LRMDA: variants seen among roughly 807,000 people sequenced by gnomAD.
LRMDA encodes the protein leucine rich melanocyte differentiation associated.
LRMDA carries 18 observed loss-of-function variants against 29.8 expected under a neutral mutation model. That is an observed-to-expected ratio of 0.60 (90% confidence interval 0.42 to 0.90). The LOEUF (loss-of-function observed/expected upper bound fraction) is 0.90, where lower values mean the gene tolerates loss of function less well. Among genes scored for constraint, LRMDA ranks in the 40% least tolerant of loss-of-function variants. The probability of loss-of-function intolerance (pLI) is 0.00; values close to 1 mark genes in which losing one functional copy is unlikely to be tolerated. For synonymous variants in LRMDA, 125 were observed against 109.4 expected, an observed-to-expected ratio of 1.14 and a Z score of -0.89; for missense variants, 273 against 273.9, an observed-to-expected ratio of 1.00 and a Z score of 0.02.
intron 5 of LRMDA, among the ~76,000 whole-genome samples, chr10:76,170,205 C>T (rs537200015): frequency 1.3e-5 from 2 of 152,272 alleles, no homozygotes; most frequent in Admixed American, 1.3e-4. Context: ...AAACTGGCCG[C>T]TCAATGTGTT....
intron 5 of LRMDA, among the ~76,000 whole-genome samples, chr10:76,105,907 C>A (rs982219638): frequency 6.6e-6 from 1 of 152,008 alleles, no homozygotes. Flanking sequence ...CCACCATGCC[C>A]GGCTAATTTT....
At position 76,000,210 on chromosome 10, in the gene LRMDA, G is replaced by A. The variant is rs147629573; in HGVS notation, c.132-35798G>A. ...CGGGGGCTGGGAGGATGGCGCTGAT[G>A]AATGCGAGAGCCCTGACATTATATG... On this transcript the variant is annotated intron_variant, in intron 2 of 6. Transcript: ENST00000611255. Among the ~76,000 whole-genome samples the A allele has an allele frequency of 4.3e-4, 66 of 152,300 alleles. No individual in the cohort carries two copies. In the East Asian group the frequency reaches 0.012, roughly 28 times the overall value.
intron 5 of LRMDA, among the ~76,000 whole-genome samples, chr10:76,323,548 C>A (rs1031769616): frequency 6.6e-6 from 1 of 151,988 alleles, no homozygotes; most frequent in African/African-American, 2.4e-5. Context: ...AGAGTTACAG[C>A]GGTAATGCTT....
At chr10:75,993,565 T>A (rs1407092362) in intron 2 of LRMDA, among the ~76,000 whole-genome samples, 1 of 152,010 alleles carries the variant, frequency 6.6e-6, no homozygotes, top group South Asian at 2.1e-4. Flanking sequence ...AAACTCCATC[T>A]CTACTAAAAA....
intron 5 of LRMDA, among the ~76,000 whole-genome samples, chr10:76,142,683 TTTATTA>T (rs35542542): frequency 1.2e-4 from 17 of 147,198 alleles, no homozygotes; most frequent in Admixed American, 3.4e-4. Context: ...TGTTATTATC[TTTATTA>T]TTATTATTAT....
chr10:76,439,771 T>G (rs1269577934), intron 6 of LRMDA, among the ~76,000 whole-genome samples: 1 of 152,194 alleles, frequency 6.6e-6, no homozygotes, highest in African/African-American at 2.4e-5. Flanking sequence ...TCCCCTGTGC[T>G]AAATGCAGGC....
chr10:76,457,195 G>A (rs1478847850), intron 6 of LRMDA, among the ~76,000 whole-genome samples: 1 of 152,174 alleles, frequency 6.6e-6, no homozygotes, highest in Non-Finnish European at 1.5e-5. Flanking sequence ...ACTTTTCGAA[G>A]TTTAATGCTT....
intron 2 of LRMDA, among the ~76,000 whole-genome samples, chr10:75,502,145 A>C (rs1353930854): frequency 6.6e-6 from 1 of 152,000 alleles, no homozygotes; most frequent in African/African-American, 2.4e-5. Flanking sequence ...AAGGCATGCC[A>C]CTCTTAACTG....
intron 6 of LRMDA, among the ~76,000 whole-genome samples, chr10:76,389,456 T>G (rs529856089): frequency 1.3e-5 from 2 of 152,202 alleles, no homozygotes; most frequent in African/African-American, 4.8e-5. Flanking sequence ...AGCATTTGCC[T>G]TTTTTATTGT....
At chr10:76,505,869 C>A (rs1398957489) in intron 6 of LRMDA, among the ~76,000 whole-genome samples, 1 of 152,132 alleles carries the variant, frequency 6.6e-6, no homozygotes, top group African/African-American at 2.4e-5. Context: ...TGCATGGATT[C>A]TTTCTCATTT....
chr10:76,470,027 A>T (rs965773807), intron 6 of LRMDA, among the ~76,000 whole-genome samples: 3 of 152,100 alleles, frequency 2.0e-5, no homozygotes, highest in African/African-American at 7.2e-5. Flanking sequence ...AACCAATAGG[A>T]TGGCATAATC....
chr10:76,552,047 CAT>C (rs1370904097), intron 6 of LRMDA, among the ~76,000 whole-genome samples: 1 of 152,200 alleles, frequency 6.6e-6, no homozygotes, highest in African/African-American at 2.4e-5. Flanking sequence ...TTTATAAACT[CAT>C]ATGAAATGCA....
At chr10:76,115,730 G>A (rs1321832137) in intron 5 of LRMDA, among the ~76,000 whole-genome samples, 1 of 152,174 alleles carries the variant, frequency 6.6e-6, no homozygotes, top group Non-Finnish European at 1.5e-5. Flanking sequence ...AGCTCCGGCT[G>A]TTATATGATT....
chr10:75,959,108 G>A (rs74149836), intron 2 of LRMDA, among the ~76,000 whole-genome samples: 2,686 of 152,266 alleles, frequency 0.018, 64 homozygotes, highest in East Asian at 0.064. Context: ...AAATGGATCC[G>A]CCTTAAGAGT....
chr10:76,321,146 A>C (rs1005468026), intron 5 of LRMDA, among the ~76,000 whole-genome samples: 1 of 152,210 alleles, frequency 6.6e-6, no homozygotes, highest in African/African-American at 2.4e-5. Flanking sequence ...GCTGCAATAA[A>C]CATTGTTTTA....
At chr10:75,702,287 G>C (rs541368931) in intron 2 of LRMDA, among the ~76,000 whole-genome samples, 2 of 152,278 alleles carry the variant, frequency 1.3e-5, no homozygotes, top group South Asian at 4.2e-4. Flanking sequence ...CATTACCTGG[G>C]CACATGATAA....
chr10:75,886,291 A>G (rs1305879304), intron 2 of LRMDA, among the ~76,000 whole-genome samples: 1 of 152,218 alleles, frequency 6.6e-6, no homozygotes, highest in African/African-American at 2.4e-5. Context: ...GTTTGGCTGA[A>G]CAGTGTATGG....
intron 2 of LRMDA, among the ~76,000 whole-genome samples, chr10:75,997,796 C>T (rs1239922811): frequency 6.6e-6 from 1 of 152,108 alleles, no homozygotes; most frequent in South Asian, 2.1e-4. Flanking sequence ...CTTCACAGCC[C>T]CTATTTGACT....
chr10:75,589,773 T>G (rs1274219085), intron 2 of LRMDA, among the ~76,000 whole-genome samples: 1 of 150,900 alleles, frequency 6.6e-6, no homozygotes, highest in African/African-American at 2.4e-5. Flanking sequence ...AAAATATATA[T>G]ATATAGAGAG....
Sources: gnomAD v4.1 joint callset for allele counts (sites outside exome capture counted in the v4.1 genomes callset) on GRCh38, gnomAD v4.1.1 for gene constraint, MANE v1.5 for transcripts, NCBI Gene and HGNC (gene_info 2026-07-23, HGNC 2026-07-21) for gene names.